Variants in COL6A6 observed in about 807,000 individuals in gnomAD.
COL6A6 encodes the protein collagen alpha-6(VI) chain.
A neutral mutation model predicts 208.6 loss-of-function variants in COL6A6; 183 were observed. The ratio of observed to expected loss-of-function variants is 0.88; its 90% confidence interval spans 0.78 to 0.99. COL6A6 has a LOEUF of 0.99. COL6A6 is among the 50% of genes least tolerant of loss of function. The pLI, the probability that COL6A6 is intolerant of heterozygous loss-of-function variation, is 0.00. For missense variants in COL6A6, 2,816 were observed against 2,815.2 expected (o/e 1.00, Z -0.01); for synonymous variants, 973 against 1,011.8 (o/e 0.96, Z 0.73).
chr3:130,528,080 T>TTGAGA (rs2062001779), intron 1 of COL6A6, among the ~76,000 whole-genome samples: 1 of 152,044 alleles, frequency 6.6e-6, no homozygotes, highest in Admixed American at 6.6e-5. Flanking sequence ...AATCATAGAT[T>TTGAGA]TGAGATATGC....
chr3:130,517,672 T>C (rs1172933562), intron 1 of COL6A6, among the ~76,000 whole-genome samples: 1 of 152,202 alleles, frequency 6.6e-6, no homozygotes, highest in Non-Finnish European at 1.5e-5. Flanking sequence ...TCTGCTCCCA[T>C]CTCCGCGTCT....
At chr3:130,580,207 AGATAT>A (rs1197529489) in intron 8 of COL6A6, among the ~76,000 whole-genome samples, 1 of 152,230 alleles carries the variant, frequency 6.6e-6, no homozygotes, top group African/African-American at 2.4e-5. Context: ...AGCTCAAGAC[AGATAT>A]GAGAAGACGT....
At chr3:130,584,141 C>A (rs529872913) in intron 10 of COL6A6, among the ~76,000 whole-genome samples, 2 of 152,200 alleles carry the variant, frequency 1.3e-5, no homozygotes, top group Non-Finnish European at 2.9e-5. Flanking sequence ...AAATTGAAAA[C>A]ATTGTATTTA....
At chr3:130,584,760 G>A (rs747844510) in intron 10 of COL6A6, among the ~76,000 whole-genome samples, 106 of 151,846 alleles carry the variant, frequency 7.0e-4, no homozygotes, top group Admixed American at 1.3e-3. Flanking sequence ...GACTACAGGC[G>A]CCTGCCACCA....
chr3:130,569,177 C>G (rs953251808), intron 6 of COL6A6, among the ~76,000 whole-genome samples: 1 of 152,208 alleles, frequency 6.6e-6, no homozygotes, highest in Non-Finnish European at 1.5e-5. Flanking sequence ...ACCTACACAT[C>G]TACTATATAT....
intron 36 of COL6A6, among the ~76,000 whole-genome samples, chr3:130,671,810 G>A (rs1269064948): frequency 6.6e-6 from 1 of 152,202 alleles, no homozygotes; most frequent in Non-Finnish European, 1.5e-5. Flanking sequence ...CAAGGAGACA[G>A]GTGGCCCATG....
intron 24 of COL6A6, among the ~76,000 whole-genome samples, chr3:130,622,666 G>A (rs190041262): frequency 1.4e-3 from 220 of 151,792 alleles, no homozygotes; most frequent in African/African-American, 2.5e-3. Flanking sequence ...GACCATCCTG[G>A]CTAACATGGT....
chr3:130,657,058 AG>A (rs139315364), intron 33 of COL6A6, among the ~76,000 whole-genome samples: 6 of 152,336 alleles, frequency 3.9e-5, no homozygotes, highest in African/African-American at 1.4e-4. Context: ...CCAGGAGGGC[AG>A]GGCCCCTGCC....
chr3:130,676,408 A>G lies in COL6A6; in HGVS notation c.*1011A>G, dbSNP rs1439046242. 1 of 152,224 alleles carries G rather than the reference A, an allele frequency of 6.6e-6. No individual in the cohort carries two copies. The highest frequency in any genetic ancestry group is 2.4e-5 in the African/African-American group (1 of 41,458). The allele number at this position is 152,224 out of a possible 1,614,324, so 9.4% of individuals were successfully genotyped here. On this transcript the variant is annotated 3_prime_UTR_variant, in exon 37 of 37. Coordinates refer to ENST00000358511, the MANE Select transcript of COL6A6 (RefSeq NM_001102608.3). The stretch of plus-strand genomic sequence containing the variant: ...AAGTTAAAGTAGGAAAGGTTTTATA[A>G]AAGTATTGATGGCTGTGTCCTCATC...
At chr3:130,591,162 C>G in intron 13 of COL6A6, 68 bp downstream of exon 13, 1 of 1,115,572 alleles carries the variant, frequency 9.0e-7, no homozygotes. Context: ...TTCCTTGAGT[C>G]AATTCAGGGG....
intron 34 of COL6A6, among the ~76,000 whole-genome samples, chr3:130,660,930 AT>A (rs1277618950): frequency 6.6e-6 from 1 of 152,106 alleles, no homozygotes; most frequent in Admixed American, 6.5e-5. Context: ...TTCCATTTCC[AT>A]TTTTTTATTC....
At chr3:130,569,311 G>A (rs2063105042) in intron 6 of COL6A6, among the ~76,000 whole-genome samples, 1 of 152,220 alleles carries the variant, frequency 6.6e-6, no homozygotes, top group South Asian at 2.1e-4. Context: ...TTGAGCAACG[G>A]TTGCTTCAAA....
intron 1 of COL6A6, among the ~76,000 whole-genome samples, chr3:130,551,645 T>G (rs1209593693): frequency 3.3e-5 from 5 of 151,526 alleles, no homozygotes; most frequent in African/African-American, 4.8e-5. Flanking sequence ...TTTTTTTTTT[T>G]TCACATCTCC....
At chr3:130,598,168 C>G (rs547805066) in intron 18 of COL6A6, among the ~76,000 whole-genome samples, 197 bp from the exon 19 acceptor site, 1 of 152,088 alleles carries the variant, frequency 6.6e-6, no homozygotes, top group African/African-American at 2.4e-5. Context: ...CTTAGGTCTC[C>G]GTTCTCTCTC....
In COL6A6 at chr3:130,589,135, A is replaced by ATGTCC. The variant is rs753031921; in HGVS notation, c.4172_4173insGTCCT (p.Ile1391MetfsTer65). On this transcript the variant is annotated frameshift_variant, in exon 12 of 37. Transcript: ENST00000358511. LOFTEE classifies it high-confidence loss of function. ...ATGCTGCTGTTTGTTCTGCAAGTGC[A>ATGTCC]TTGGAGGAGATGGCACAATGGGAGA... 6.2e-7 allele frequency: 1 copy of ATGTCC among 1,613,916 alleles called. No individual in the cohort carries two copies. The highest frequency in any genetic ancestry group is 8.5e-7 in the Non-Finnish European group (1 of 1,179,830).
rs2066343655 is a variant in COL6A6 at position 130,675,728 on chromosome 3, C to G, written c.*331C>G. The G allele has an allele frequency of 5.5e-6, 1 of 180,760 alleles. No homozygotes were observed. Among genetic ancestry groups the G allele is most frequent in the South Asian group, 2.0e-4 (1 of 5,124 alleles). The allele number at this position is 180,760 out of a possible 1,614,324, so 11.2% of individuals were successfully genotyped here. Reference sequence around the variant, plus strand: ...CATGGGTCAATGTTAATTCTTTTATCTCTGTCCAGTTCATTTTCTGCAAAC... The same window carrying G: ...CATGGGTCAATGTTAATTCTTTTATGTCTGTCCAGTTCATTTTCTGCAAAC... On this transcript the variant is annotated 3_prime_UTR_variant, in exon 37 of 37. Coordinates refer to ENST00000358511, the MANE Select transcript of COL6A6 (RefSeq NM_001102608.3).
intron 1 of COL6A6, among the ~76,000 whole-genome samples, chr3:130,551,179 A>G (rs1289870053): frequency 1.3e-5 from 2 of 151,888 alleles, no homozygotes; most frequent in African/African-American, 4.8e-5. Context: ...TGATGCTGGC[A>G]TCACAGAATG....
intron 23 of COL6A6, among the ~76,000 whole-genome samples, chr3:130,611,569 C>T (rs1451235381): frequency 6.6e-6 from 1 of 152,212 alleles, no homozygotes; most frequent in African/African-American, 2.4e-5. Context: ...TAGAGCTCAA[C>T]ACATATTTGA....
In COL6A6 at chr3:130,568,097, A is replaced by G. The variant is rs755327782; in HGVS notation, c.1894A>G (p.Ser632Gly). 15 of 1,613,974 alleles carry G rather than the reference A, an allele frequency of 9.3e-6. No homozygotes were observed. In the Admixed American group the frequency reaches 1.3e-4, roughly 14 times the overall value. The change falls in exon 6 of 37, where the codon AGT (serine) becomes GGT (glycine). Residue 632 changes from serine to glycine, a missense_variant. Transcript: ENST00000358511. ...CATGTTTCTGGTGGACAGTTCTGGA[A>G]GTATAGGACCTGAAAACTTCAGCAA... The part of the protein sequence containing the change: ...DIMFLVDSSG[S>G]IGPENFSKMK...
Sources: gnomAD v4.1 joint callset for allele counts (sites outside exome capture counted in the v4.1 genomes callset) on GRCh38, gnomAD v4.1.1 for gene constraint, MANE v1.5 for transcripts, NCBI Gene and HGNC (gene_info 2026-07-23, HGNC 2026-07-21) for gene names.